Variants in LMNTD1 observed in about 807,000 individuals in gnomAD.
The protein encoded by LMNTD1 is lamin tail domain containing 1.
In LMNTD1, 35 loss-of-function variants were observed where a neutral mutation model predicts 50.9. The observed-to-expected ratio is 0.69, with a 90% confidence interval of 0.53 to 0.91. LMNTD1 has a LOEUF of 0.91. Ranked by LOEUF, LMNTD1 falls within the 40% of genes least tolerant of loss-of-function variation. The probability of loss-of-function intolerance (pLI) is 0.00; values close to 1 mark genes in which losing one functional copy is unlikely to be tolerated. For missense variants in LMNTD1, 470 were observed against 475.5 expected, an observed-to-expected ratio of 0.99 and a Z score of 0.11; for synonymous variants, 153 against 161.9, an observed-to-expected ratio of 0.94 and a Z score of 0.42.
intron 2 of LMNTD1, among the ~76,000 whole-genome samples, chr12:25,551,871 T>C (rs2136253543): frequency 6.6e-6 from 1 of 152,342 alleles, no homozygotes; most frequent in South Asian, 2.1e-4. Flanking sequence ...TAAGTAATTT[T>C]CTAAGCCCCT....
chr12:25,578,292 G>A lies in LMNTD1; in HGVS notation c.59-31738C>T, dbSNP rs74070545. On this transcript the variant is annotated intron_variant, in intron 1 of 7. Transcript: ENST00000445693. The stretch of plus-strand genomic sequence containing the variant: ...GGAGGAGCAAAGGTGATCTGTATAC[G>A]TGGGTGAAATACTGCAATGACGGTT... Among the ~76,000 whole-genome samples, 766 of 152,236 alleles carry A rather than the reference G, an allele frequency of 5.0e-3. 12 individuals are homozygous for A. Among genetic ancestry groups the A allele is most frequent in the African/African-American group, 0.018 (736 of 41,538 alleles).
In LMNTD1 at chr12:25,612,324, A is replaced by G. The variant is rs200529442; in HGVS notation, c.58+36170T>C. Among the ~76,000 whole-genome samples the G allele has an allele frequency of 5.3e-4, 60 of 113,148 alleles. No homozygotes were observed. In the East Asian group the frequency reaches 0.015, roughly 28 times the overall value. 74.2% of individuals were successfully genotyped at this position (113,148 alleles called of 152,430 possible). ...CACACACACACACACACACACACACACACACGCGCTCCCACTGTCAACAAC... is the reference window on the plus strand; with the variant it reads ...CACACACACACACACACACACACACGCACACGCGCTCCCACTGTCAACAAC... On this transcript the variant is annotated intron_variant, in intron 1 of 7. Transcript: ENST00000445693.
intron 9 of LMNTD1, among the ~76,000 whole-genome samples, chr12:25,479,638 T>C (rs1449225624): frequency 6.6e-6 from 1 of 152,204 alleles, no homozygotes; most frequent in African/African-American, 2.4e-5. Flanking sequence ...GAGGCAATGC[T>C]GTGTGGAATA....
chr12:25,496,887 C>T (rs1332643658), intron 9 of LMNTD1, among the ~76,000 whole-genome samples: 1 of 152,118 alleles, frequency 6.6e-6, no homozygotes, highest in Non-Finnish European at 1.5e-5. Flanking sequence ...CTTTCCAGCA[C>T]AGCCCCTAGT....
At chr12:25,513,031 G>C (rs1186540909) in intron 8 of LMNTD1, among the ~76,000 whole-genome samples, 10 of 152,164 alleles carry the variant, frequency 6.6e-5, no homozygotes, top group Admixed American at 6.5e-4. Context: ...AACTTAGCTA[G>C]AGGCCCTGTG....
chr12:25,529,094 C>T (rs1308798720), intron 4 of LMNTD1, among the ~76,000 whole-genome samples: 1 of 152,118 alleles, frequency 6.6e-6, no homozygotes, highest in East Asian at 1.9e-4. Context: ...CATGTCTCCT[C>T]AGTATTGGCC....
chr12:25,595,848 T>G (rs1945833298), intron 1 of LMNTD1, among the ~76,000 whole-genome samples: 1 of 151,986 alleles, frequency 6.6e-6, no homozygotes. Context: ...TTAGCAAGAT[T>G]AACCAAGAAA....
chr12:25,627,631 C>T (rs111940078), intron 1 of LMNTD1, among the ~76,000 whole-genome samples: 2 of 150,508 alleles, frequency 1.3e-5, no homozygotes, highest in African/African-American at 2.5e-5. Flanking sequence ...TCCTTCTGAA[C>T]GTGTGGATGC....
intron 1 of LMNTD1, among the ~76,000 whole-genome samples, chr12:25,623,155 C>G (rs940439647): frequency 1.3e-5 from 2 of 151,864 alleles, no homozygotes; most frequent in Non-Finnish European, 2.9e-5. Flanking sequence ...AGGCAAGAAG[C>G]CTGTCAGAGC....
At chr12:25,574,616 C>T (rs1944927105) in intron 1 of LMNTD1, among the ~76,000 whole-genome samples, 2 of 152,094 alleles carry the variant, frequency 1.3e-5, no homozygotes, top group African/African-American at 2.4e-5. Flanking sequence ...AGAAATAATT[C>T]CTCTCTCCTG....
At chr12:25,483,081 C>T (rs957188207) in intron 9 of LMNTD1, among the ~76,000 whole-genome samples, 7 of 152,002 alleles carry the variant, frequency 4.6e-5, no homozygotes, top group African/African-American at 1.7e-4. Flanking sequence ...CATTTTAACA[C>T]AACCCTTAAA....
At chr12:25,562,072 G>T (rs959615777) in intron 1 of LMNTD1, among the ~76,000 whole-genome samples, 7 of 152,034 alleles carry the variant, frequency 4.6e-5, no homozygotes, top group Non-Finnish European at 1.0e-4. Flanking sequence ...CACACTGATG[G>T]GTCTTGACTC....
At chr12:25,487,039 G>C (rs1481289985) in intron 9 of LMNTD1, among the ~76,000 whole-genome samples, 3 of 150,734 alleles carry the variant, frequency 2.0e-5, no homozygotes, top group Non-Finnish European at 4.4e-5. Context: ...TTGCTGAGGA[G>C]AGCTTTACTT....
chr12:25,603,364 A>G (rs1053919687), intron 1 of LMNTD1, among the ~76,000 whole-genome samples: 1 of 152,004 alleles, frequency 6.6e-6, no homozygotes, highest in Non-Finnish European at 1.5e-5. Flanking sequence ...CACAGGTGCA[A>G]TCCTACTACT....
intron 1 of LMNTD1, among the ~76,000 whole-genome samples, chr12:25,621,012 G>T (rs567476153): frequency 6.6e-6 from 1 of 152,250 alleles, no homozygotes; most frequent in Admixed American, 6.5e-5. Flanking sequence ...AAACCCAGGT[G>T]AACTGACATC....
chr12:25,605,150 T>G (rs1376691920), intron 1 of LMNTD1, among the ~76,000 whole-genome samples: 1 of 152,216 alleles, frequency 6.6e-6, no homozygotes, highest in Non-Finnish European at 1.5e-5. Context: ...TGTCTTCTTT[T>G]GAGAAGTGTC....
At chr12:25,568,384 GC>G (rs924190860) in intron 1 of LMNTD1, among the ~76,000 whole-genome samples, 6 of 152,232 alleles carry the variant, frequency 3.9e-5, no homozygotes, top group African/African-American at 1.4e-4. Context: ...AAGAAGCACA[GC>G]CTAGAAGTTT....
At chr12:25,479,775 T>A (rs1119678) in intron 9 of LMNTD1, among the ~76,000 whole-genome samples, 2 of 152,044 alleles carry the variant, frequency 1.3e-5, no homozygotes, top group African/African-American at 2.4e-5. Context: ...ATCGCTGCCC[T>A]TTTCATGATA....
At chr12:25,561,917 C>T (rs562347144) in intron 1 of LMNTD1, among the ~76,000 whole-genome samples, 6 of 152,154 alleles carry the variant, frequency 3.9e-5, no homozygotes, top group South Asian at 4.2e-4. Context: ...CTTTGATCTT[C>T]GTTGGTTTAA....
Sources: allele counts gnomAD v4.1 joint callset (sites outside exome capture counted in the v4.1 genomes callset), GRCh38; gene constraint gnomAD v4.1.1; transcripts MANE v1.5; gene names NCBI Gene and HGNC (gene_info 2026-07-23, HGNC 2026-07-21).